The following LMX1B variants were observed in gnomAD, a reference collection of about 807,000 sequenced individuals.
The protein encoded by LMX1B is LIM homeobox transcription factor 1 beta, also known as LIM homeobox transcription factor 1-beta.
LMX1B carries 12 observed loss-of-function variants against 51.4 expected under a neutral mutation model. That is an observed-to-expected ratio of 0.23 (90% CI 0.15 to 0.38). The LOEUF (loss-of-function observed/expected upper bound fraction) is 0.38. LMX1B is among the 10% of genes least tolerant of loss of function. The pLI, the probability that LMX1B is intolerant of heterozygous loss-of-function variation, is 1.00. For missense variants in LMX1B, 445 were observed against 571.1 expected, an observed-to-expected ratio of 0.78 and a Z score of 2.25; for synonymous variants, 237 against 235.4, an observed-to-expected ratio of 1.01 and a Z score of -0.06.
chr9:126,643,616 T>A (rs1835847052), intron 2 of LMX1B, among the ~76,000 whole-genome samples: 1 of 152,088 alleles, frequency 6.6e-6, no homozygotes, highest in Non-Finnish European at 1.5e-5. Flanking sequence ...GGGACACTTT[T>A]GGGCAAAAGG....
At chr9:126,679,528 A>G (rs1836633860) in intron 2 of LMX1B, among the ~76,000 whole-genome samples, 2 of 151,794 alleles carry the variant, frequency 1.3e-5, no homozygotes, top group Non-Finnish European at 2.9e-5. Flanking sequence ...AGGTGGATAG[A>G]TGGGTAGGCA....
chr9:126,661,218 C>CCCAGGCCAGCG (rs1564158754), intron 2 of LMX1B, among the ~76,000 whole-genome samples: 28 of 151,400 alleles, frequency 1.8e-4, no homozygotes, highest in South Asian at 6.2e-4. Context: ...AGGGCGACCT[C>CCCAGGCCAGCG]TCAGGCCAGC....
intron 2 of LMX1B, among the ~76,000 whole-genome samples, chr9:126,633,538 G>A (rs1835666281): frequency 6.6e-6 from 1 of 152,146 alleles, no homozygotes; most frequent in African/African-American, 2.4e-5. Context: ...GGGACTGGCT[G>A]GGGCAGGGTT....
chr9:126,646,927 C>T (rs1246847335), intron 2 of LMX1B, among the ~76,000 whole-genome samples: 4 of 152,154 alleles, frequency 2.6e-5, no homozygotes. Flanking sequence ...GATAGGTGCT[C>T]TAGCATTAAG....
Position 126,615,657 on chromosome 9 carries a change from C to A in LMX1B, c.326+88C>A. 7.8e-7 allele frequency: 1 copy of A among 1,278,680 alleles called. No homozygotes were observed. The highest frequency in any genetic ancestry group is 1.1e-6 in the Non-Finnish European group (1 of 928,226). The allele number at this position is 1,278,680 out of a possible 1,614,324, so 79.2% of individuals were successfully genotyped here. On this transcript the variant is annotated intron_variant, in intron 2 of 7. Transcript: ENST00000373474. This position sits in a 1 kb window ranked among gnomAD's most constrained non-coding sequence, Gnocchi z 6.0. ...CCGGGCCCGGCCCGCGCCCGCTCTG[C>A]CGCCGGCTCTGTGCGCGGCTGGGCC...
At chr9:126,627,338 C>T (rs1393505673) in intron 2 of LMX1B, among the ~76,000 whole-genome samples, 4 of 152,130 alleles carry the variant, frequency 2.6e-5, no homozygotes, top group Admixed American at 2.0e-4. Flanking sequence ...TTGCTTCTGA[C>T]TTCATTGATT....
At chr9:126,653,542 C>T (rs920555862) in intron 2 of LMX1B, among the ~76,000 whole-genome samples, 6 of 152,174 alleles carry the variant, frequency 3.9e-5, no homozygotes, top group Non-Finnish European at 8.8e-5. Context: ...GGTCCCTGTA[C>T]CCTTTGCCCA....
chr9:126,670,733 G>T (rs1836433726), intron 2 of LMX1B, among the ~76,000 whole-genome samples: 1 of 152,172 alleles, frequency 6.6e-6, no homozygotes, highest in African/African-American at 2.4e-5. Flanking sequence ...CACCCTCTTG[G>T]ATAGGTTCTT....
At chr9:126,621,000 C>T (rs1835400015) in intron 2 of LMX1B, among the ~76,000 whole-genome samples, 1 of 152,164 alleles carries the variant, frequency 6.6e-6, no homozygotes, top group Admixed American at 6.5e-5. Flanking sequence ...AAGGCCCCTC[C>T]AGCTCGGGCT....
At position 126,691,075 on chromosome 9, in the gene LMX1B, C is replaced by T. The variant is rs373728590; in HGVS notation, c.559+7C>T. The T allele has an allele frequency of 1.2e-6, 2 of 1,601,632 alleles. No homozygotes were observed. Reference sequence around the variant, plus strand: ...CCCGACGAGTCCGACTCCGGTGAGGCCTGGCCTGAGCTGGGGGCAGGCCTC... The same window carrying T: ...CCCGACGAGTCCGACTCCGGTGAGGTCTGGCCTGAGCTGGGGGCAGGCCTC... On this transcript the variant is annotated splice_region_variant and intron_variant, in intron 3 of 7. Coordinates refer to ENST00000373474, the MANE Select transcript of LMX1B (RefSeq NM_001174147.2).
chr9:126,628,630 C>T (rs1835576718), intron 2 of LMX1B, among the ~76,000 whole-genome samples: 1 of 152,218 alleles, frequency 6.6e-6, no homozygotes, highest in South Asian at 2.1e-4. Flanking sequence ...ATTACCCCGC[C>T]TTGACTGATA....
chr9:126,678,607 C>G (rs556007135), intron 2 of LMX1B, among the ~76,000 whole-genome samples: 12 of 152,298 alleles, frequency 7.9e-5, no homozygotes, highest in Non-Finnish European at 1.5e-4. Context: ...CCATCCTGAT[C>G]CTGGGGAAAA....
In LMX1B at chr9:126,623,171, G is replaced by A. The variant is rs118069927; in HGVS notation, c.326+7602G>A. Among the ~76,000 whole-genome samples, 706 of 152,306 alleles carry A rather than the reference G, an allele frequency of 4.6e-3. 40 individuals are homozygous for A. The East Asian group carries it at 0.12, about 25-fold the overall frequency. ...GCCCACCCTTCTGTTCCTCACCCAG[G>A]TTGGGAGCCTGTGTTTTTATTTTTA... On this transcript the variant is annotated intron_variant, in intron 2 of 7. Transcript: ENST00000373474.
chr9:126,680,093 C>T (rs1341317478), intron 2 of LMX1B, among the ~76,000 whole-genome samples: 2 of 152,248 alleles, frequency 1.3e-5, no homozygotes, highest in East Asian at 3.8e-4. Flanking sequence ...GGTTTCTCAC[C>T]TTCCACGTGC....
In LMX1B at chr9:126,693,808, C is replaced by A; in HGVS notation, c.882C>A (p.Gly294=). ...AGCAGCAGAACTCCCAGCGGCTGGG[C>A]CAGGGTGAGCCGGGGCCGGGGCAGG... ...QQEQQNSQRL[G]QEVLSSRMEG... Residue 294 remains glycine (G), a synonymous_variant, in exon 6 of 8, where the codon GGC becomes GGA. Coordinates refer to ENST00000373474, the MANE Select transcript of LMX1B (RefSeq NM_001174147.2). 7.6e-7 allele frequency: 1 copy of A among 1,320,346 alleles called. No individual in the cohort carries two copies. The highest frequency in any genetic ancestry group is 2.5e-5 in the East Asian group (1 of 40,056). 81.8% of individuals were successfully genotyped at this position (1,320,346 alleles called of 1,614,324 possible).
At chr9:126,692,907 T>C (rs1235543951) in intron 3 of LMX1B, among the ~76,000 whole-genome samples, 1 of 152,034 alleles carries the variant, frequency 6.6e-6, no homozygotes, top group Non-Finnish European at 1.5e-5. Context: ...GAGTGAGGCG[T>C]GTGTGCCGGG....
At chr9:126,627,372 C>T (rs1835554775) in intron 2 of LMX1B, among the ~76,000 whole-genome samples, 1 of 152,106 alleles carries the variant, frequency 6.6e-6, no homozygotes, top group Admixed American at 6.5e-5. Flanking sequence ...GAATGCCCTG[C>T]TTCTTCCTGC....
At chr9:126,667,500 GGCGGT>G (rs1836364656) in intron 2 of LMX1B, among the ~76,000 whole-genome samples, 1 of 152,220 alleles carries the variant, frequency 6.6e-6, no homozygotes, top group Non-Finnish European at 1.5e-5. Flanking sequence ...AAACACACTG[GGCGGT>G]GCTGCCTTGG....
intron 2 of LMX1B, among the ~76,000 whole-genome samples, chr9:126,686,587 G>T (rs1388069626): frequency 6.6e-6 from 1 of 152,192 alleles, no homozygotes; most frequent in Non-Finnish European, 1.5e-5. Flanking sequence ...AGGCCGGGCT[G>T]ATGCTGAGTA....
Sources: gnomAD v4.1 joint callset for allele counts (sites outside exome capture counted in the v4.1 genomes callset) on GRCh38, gnomAD v4.1.1 for gene constraint, Gnocchi (gnomAD v3.1) non-coding constraint, MANE v1.5 for transcripts, NCBI Gene and HGNC (gene_info 2026-07-23, HGNC 2026-07-21) for gene names.